The following CAMTA1 variants were observed in gnomAD, a reference collection of about 807,000 sequenced individuals.
The protein encoded by CAMTA1 is calmodulin-binding transcription activator 1.
A neutral mutation model predicts 170.9 loss-of-function variants in CAMTA1; 27 were observed. That is an observed-to-expected ratio of 0.16 (90% CI 0.12 to 0.22). The LOEUF (loss-of-function observed/expected upper bound fraction) is 0.22. Ranked by LOEUF, CAMTA1 falls within the 10% of genes least tolerant of loss-of-function variation. The pLI is 1.00. For synonymous variants in CAMTA1, 833 were observed against 891.5 expected (o/e 0.93, Z 1.17); for missense variants, 1,619 against 2,217.2 (o/e 0.73, Z 5.42).
chr1:7,136,724 G>C (rs1181834376), intron 4 of CAMTA1, among the ~76,000 whole-genome samples: 2 of 152,150 alleles, frequency 1.3e-5, no homozygotes, highest in African/African-American at 4.8e-5. Context: ...TTGAGTATCT[G>C]TTCTCATCTT....
intron 3 of CAMTA1, among the ~76,000 whole-genome samples, chr1:6,884,163 A>C (rs1672441726): frequency 6.9e-6 from 1 of 145,092 alleles, no homozygotes; most frequent in Non-Finnish European, 1.5e-5. Context: ...ACCATTTCTC[A>C]CTCCTTCTGA....
intron 3 of CAMTA1, chr1:6,888,193 T>C (rs1673737162): frequency 1.0e-6 from 1 of 986,668 alleles, no homozygotes; most frequent in Non-Finnish European, 1.2e-6. Flanking sequence ...ATAAACGCTG[T>C]TGAACGAATG....
At chr1:7,276,195 A>G (rs1436538120) in intron 5 of CAMTA1, among the ~76,000 whole-genome samples, 1 of 145,100 alleles carries the variant, frequency 6.9e-6, no homozygotes, top group Non-Finnish European at 1.5e-5. Context: ...CATGATTAAA[A>G]AAAAAAACCT....
At chr1:6,928,376 C>G (rs1557841730) in intron 3 of CAMTA1, among the ~76,000 whole-genome samples, 1 of 152,194 alleles carries the variant, frequency 6.6e-6, no homozygotes, top group African/African-American at 2.4e-5. Context: ...CTGAAGAGAT[C>G]AGAGAGAGAA....
intron 6 of CAMTA1, among the ~76,000 whole-genome samples, chr1:7,520,208 CT>C: frequency 6.8e-3 from 1 of 146 alleles, no homozygotes; most frequent in Non-Finnish European, 0.013. Context: ...CGACCTCCTC[CT>C]CCTCCTCCTC....
Position 7,767,052 on chromosome 1 carries a change from TTTTG to T in CAMTA1, c.*581_*584del, listed in dbSNP as rs140312904. ...TGTTCTCATTTCCTTCACTGTTTAT[TTTTG>T]TTTGTTTGTTTGTTTGTTTTAATCT... On this transcript the variant is annotated 3_prime_UTR_variant, in exon 23 of 23. Transcript: ENST00000303635. 0.01 allele frequency: 1,534 copies of T among 152,924 alleles called. 20 individuals are homozygous for T. The highest frequency in any genetic ancestry group is 0.068 in the East Asian group (359 of 5,244). The allele number at this position is 152,924 out of a possible 1,614,324, so 9.5% of individuals were successfully genotyped here. A position where few individuals can be genotyped will look rare whatever the true frequency, so the allele number is the denominator to read the frequency against.
rs1307674561 is a variant in CAMTA1 at position 7,499,253 on chromosome 1, A to G, written c.510+31352A>G. Among the ~76,000 whole-genome samples the G allele has an allele frequency of 7.0e-4, 61 of 87,266 alleles. 1 individual carries two copies. Among genetic ancestry groups the G allele is most frequent in the Non-Finnish European group, 1.1e-3 (51 of 44,838 alleles). 57.2% of individuals were successfully genotyped at this position (87,266 alleles called of 152,430 possible). On this transcript the variant is annotated intron_variant, in intron 6 of 22. Transcript: ENST00000303635. Reference sequence around the variant, plus strand: ...TGAGTGTGTGTGTGCATGTGTGTACATGAGTGAGTGTGTAGAGAGGATGGT... The same window carrying G: ...TGAGTGTGTGTGTGCATGTGTGTACGTGAGTGAGTGTGTAGAGAGGATGGT...
Position 7,634,999 on chromosome 1 carries a change from C to T in CAMTA1, c.511-5401C>T. 6.6e-6 allele frequency among the ~76,000 whole-genome samples: 1 copy of T among 152,168 alleles called. No homozygotes were observed. The highest frequency in any genetic ancestry group is 1.9e-4 in the East Asian group (1 of 5,184). ...GCTCTTCCAGAAGGCTGTGGAACTT[C>T]TCTGAGACTTTTACTTATCCTTGGC... is the stretch of plus-strand genomic sequence containing the variant. On this transcript the variant is annotated intron_variant, in intron 6 of 22. Transcript: ENST00000303635. The surrounding 1 kb of genome is among the most constrained non-coding windows in gnomAD (Gnocchi z 6.2).
intron 3 of CAMTA1, among the ~76,000 whole-genome samples, chr1:7,018,308 G>A (rs2100902146): frequency 6.6e-6 from 1 of 152,216 alleles, no homozygotes; most frequent in South Asian, 2.1e-4. Flanking sequence ...AAGTCATGGA[G>A]GCAGTGAATG....
At chr1:6,789,708 T>C (rs1359070483) in intron 1 of CAMTA1, among the ~76,000 whole-genome samples, 1 of 152,160 alleles carries the variant, frequency 6.6e-6, no homozygotes, top group Non-Finnish European at 1.5e-5. Context: ...TTACCGAGCT[T>C]CTGTTATGTA....
In CAMTA1 at chr1:7,682,502, C is replaced by T. The variant is rs2096217755; in HGVS notation, c.2914+4769C>T. Among the ~76,000 whole-genome samples, 1 of 152,244 alleles carries T rather than the reference C, an allele frequency of 6.6e-6. No individual in the cohort carries two copies. Among genetic ancestry groups the T allele is most frequent in the Non-Finnish European group, 1.5e-5 (1 of 68,050 alleles). On this transcript the variant is annotated intron_variant, in intron 11 of 22. Coordinates refer to ENST00000303635, the MANE Select transcript of CAMTA1 (RefSeq NM_015215.4). The surrounding 1 kb of genome is among the most constrained non-coding windows in gnomAD (Gnocchi z 5.0). The stretch of plus-strand genomic sequence containing the variant: ...TCTCTGGGGCAGCCCCTAGCTCTGC[C>T]CCCACTTCGGAGCTGCCACCTTAGG...
chr1:7,514,174 C>T (rs1413353794), intron 6 of CAMTA1, among the ~76,000 whole-genome samples: 3 of 152,244 alleles, frequency 2.0e-5, no homozygotes, highest in Non-Finnish European at 4.4e-5. Flanking sequence ...CAGTCCCTCA[C>T]ATCTGGCTCA....
In CAMTA1 at chr1:6,846,576, A is replaced by C. The variant is rs142053094; in HGVS notation, c.234+21366A>C. ...ACTAGAAACATTTTTAGCTGTAGTT[A>C]CGAAGACTTCTAGCTTTTTGTCAAC... On this transcript the variant is annotated intron_variant, in intron 3 of 22. Coordinates refer to ENST00000303635, the MANE Select transcript of CAMTA1 (RefSeq NM_015215.4). Among the ~76,000 whole-genome samples the C allele has an allele frequency of 1.6e-4, 24 of 152,386 alleles. 1 individual carries two copies. Among genetic ancestry groups the C allele is most frequent in the African/African-American group, 5.5e-4 (23 of 41,600 alleles).
chr1:7,320,400 G>T (rs1434112937), intron 5 of CAMTA1, among the ~76,000 whole-genome samples: 1 of 152,144 alleles, frequency 6.6e-6, no homozygotes, highest in African/African-American at 2.4e-5. Flanking sequence ...CGAATCAGTT[G>T]GCCATATGCT....
intron 5 of CAMTA1, among the ~76,000 whole-genome samples, chr1:7,270,100 G>T (rs1458305201): frequency 6.6e-6 from 1 of 151,448 alleles, no homozygotes; most frequent in African/African-American, 2.4e-5. Flanking sequence ...CAAGAGTGAA[G>T]GTAAAATAAA....
intron 3 of CAMTA1, among the ~76,000 whole-genome samples, chr1:6,888,464 A>G (rs538248892): frequency 2.6e-5 from 4 of 152,344 alleles, no homozygotes; most frequent in Non-Finnish European, 4.4e-5. Flanking sequence ...GCATAGAAAC[A>G]TGAGTCATGT....
intron 3 of CAMTA1, among the ~76,000 whole-genome samples, chr1:6,852,805 T>C (rs1382274582): frequency 6.6e-6 from 1 of 152,214 alleles, no homozygotes; most frequent in Non-Finnish European, 1.5e-5. Flanking sequence ...TGGCCGTTGG[T>C]TATTGAACTC....
chr1:6,978,527 G>T (rs987049951), intron 3 of CAMTA1, among the ~76,000 whole-genome samples: 1 of 152,040 alleles, frequency 6.6e-6, no homozygotes, highest in Non-Finnish European at 1.5e-5. Flanking sequence ...CCAGCTACTC[G>T]AGAGGCTGAG....
chr1:6,919,871 C>T (rs1335216008), intron 3 of CAMTA1, among the ~76,000 whole-genome samples: 2 of 151,876 alleles, frequency 1.3e-5, no homozygotes, highest in Non-Finnish European at 2.9e-5. Context: ...AAGACCCACC[C>T]CCCTAATTCA....
Sources: allele counts gnomAD v4.1 joint callset (sites outside exome capture counted in the v4.1 genomes callset), GRCh38; gene constraint gnomAD v4.1.1; non-coding constraint Gnocchi (gnomAD v3.1); transcripts MANE v1.5; gene names NCBI Gene and HGNC (gene_info 2026-07-23, HGNC 2026-07-21).